The following RAB27A variants were observed in gnomAD, a reference collection of about 807,000 sequenced individuals.
RAB27A encodes ras-related protein Rab-27A.
A neutral mutation model predicts 20.8 loss-of-function variants in RAB27A; 17 were observed. The observed-to-expected ratio is 0.82, with a 90% CI of 0.56 to 1.23. The LOEUF is 1.23. Among genes scored for constraint, RAB27A ranks in the 50% most tolerant of loss-of-function variants. The pLI is 0.00. For synonymous variants in RAB27A, 85 were observed against 92.8 expected (o/e 0.92, Z 0.48); for missense variants, 277 against 266.7 (o/e 1.04, Z -0.27).
rs1430241411 is a variant in RAB27A, at chr15:55,204,635, A to C, written c.*872T>G. The stretch of plus-strand genomic sequence containing the variant: ...CAACATTATAAATATGAAGAAAAAG[A>C]AACTAAATATTTACTCATCGCAAAT... On this transcript the variant is annotated 3_prime_UTR_variant, in exon 7 of 7. Coordinates refer to ENST00000336787, the MANE Select transcript of RAB27A (RefSeq NM_183235.3). 1.3e-5 allele frequency: 2 copies of C among 152,246 alleles called. No individual in the cohort carries two copies. Among genetic ancestry groups the C allele is most frequent in the African/African-American group, 4.8e-5 (2 of 41,462 alleles). 9.4% of individuals were successfully genotyped at this position (152,246 alleles called of 1,614,324 possible).
At chr15:55,283,174 A>T (rs80220386) in intron 1 of RAB27A, among the ~76,000 whole-genome samples, 8,002 of 152,176 alleles carry the variant, frequency 0.053, 270 homozygotes, top group Non-Finnish European at 0.067. Context: ...TGTACTGAGA[A>T]TGTTTTGCAG....
intron 2 of RAB27A, among the ~76,000 whole-genome samples, chr15:55,249,626 G>A (rs74247117): frequency 2.6e-5 from 4 of 152,136 alleles, no homozygotes; most frequent in Non-Finnish European, 4.4e-5. Context: ...AAAACAATCT[G>A]TACACCCTGT....
At chr15:55,240,788 A>G (rs1427632077) in intron 2 of RAB27A, among the ~76,000 whole-genome samples, 2 of 152,174 alleles carry the variant, frequency 1.3e-5, no homozygotes, top group Non-Finnish European at 2.9e-5. Flanking sequence ...TAACTTCTTT[A>G]AAATTGGGGT....
At chr15:55,230,314 G>T in intron 4 of RAB27A, 87 bp downstream of exon 4, 2 of 1,301,076 alleles carry the variant, frequency 1.5e-6, no homozygotes, top group Non-Finnish European at 2.2e-6. Flanking sequence ...GAATTGGCTG[G>T]CTTTTTCCTG....
intron 1 of RAB27A, among the ~76,000 whole-genome samples, chr15:55,280,262 C>T (rs2141118743): frequency 6.6e-6 from 1 of 152,092 alleles, no homozygotes; most frequent in African/African-American, 2.4e-5. Flanking sequence ...TGAGTTCTAT[C>T]TTCCCACTCA....
chr15:55,238,575 T>G (rs991799314), intron 2 of RAB27A: 1 of 152,180 alleles, frequency 6.6e-6, no homozygotes, highest in Admixed American at 6.6e-5. Context: ...AGCACAATGG[T>G]TGGCATATAC....
chr15:55,207,235 T>C (rs1894695844), intron 6 of RAB27A, among the ~76,000 whole-genome samples: 1 of 152,202 alleles, frequency 6.6e-6, no homozygotes, highest in Non-Finnish European at 1.5e-5. Context: ...AATAAGACGG[T>C]AATATCTGAT....
intron 6 of RAB27A, among the ~76,000 whole-genome samples, chr15:55,208,845 T>C (rs1418087251): frequency 6.6e-6 from 1 of 152,136 alleles, no homozygotes; most frequent in Non-Finnish European, 1.5e-5. Context: ...AGTAGATAGC[T>C]AAAGAAAATT....
Position 55,216,690 on chromosome 15 carries a change from C to T in RAB27A, c.467+7199G>A, listed in dbSNP as rs531607134. On this transcript the variant is annotated intron_variant, in intron 6 of 6. Coordinates refer to ENST00000336787, the MANE Select transcript of RAB27A (RefSeq NM_183235.3). Reference sequence around the variant, plus strand: ...CTAACCCATGAACATTGGTTTAATCCACAATGTAGCTGATCTATAAAATCT... The same window carrying T: ...CTAACCCATGAACATTGGTTTAATCTACAATGTAGCTGATCTATAAAATCT... Among the ~76,000 whole-genome samples the T allele has an allele frequency of 8.5e-5, 13 of 152,080 alleles. No individual in the cohort carries two copies. The South Asian group carries it at 2.7e-3, about 32-fold the overall frequency.
intron 6 of RAB27A, among the ~76,000 whole-genome samples, chr15:55,217,469 G>A (rs1247141982): frequency 6.6e-6 from 1 of 151,316 alleles, no homozygotes; most frequent in Non-Finnish European, 1.5e-5. Flanking sequence ...GGATCAACCT[G>A]GCCAACATGG....
intron 1 of RAB27A, among the ~76,000 whole-genome samples, chr15:55,276,339 A>G (rs1291711013): frequency 6.6e-6 from 1 of 152,226 alleles, no homozygotes; most frequent in Non-Finnish European, 1.5e-5. Context: ...AAGATATTAT[A>G]CTAAGTTAAA....
rs569132713 is a variant in RAB27A at position 55,308,931 on chromosome 15, T to C, written c.-112+5108A>G. On this transcript the variant is annotated intron_variant, in intron 2 of 5. Transcript: ENST00000563262. Reference sequence around the variant, plus strand: ...CCCTTTGCCACTACATCAATTTCCTTATTCAGGTATGCCACGGGTTGCAAG... The same window carrying C: ...CCCTTTGCCACTACATCAATTTCCTCATTCAGGTATGCCACGGGTTGCAAG... Among the ~76,000 whole-genome samples the C allele has an allele frequency of 2.6e-5, 4 of 152,322 alleles. No homozygotes were observed. In the East Asian group the frequency reaches 5.8e-4, roughly 22 times the overall value.
chr15:55,270,934 A>C (rs984628884), intron 1 of RAB27A: 3 of 152,316 alleles, frequency 2.0e-5, no homozygotes, highest in African/African-American at 7.2e-5. Flanking sequence ...ATCCCAACAC[A>C]GCCAGAAATC....
intron 2 of RAB27A, among the ~76,000 whole-genome samples, chr15:55,235,773 TAC>T (rs1896229913): frequency 6.6e-6 from 1 of 151,970 alleles, no homozygotes; most frequent in Non-Finnish European, 1.5e-5. Context: ...GAAATTGTGG[TAC>T]ACCACAATTT....
rs148564106 is a variant in RAB27A, at chr15:55,210,070, A to G, written c.468-4365T>C. Among the ~76,000 whole-genome samples, 189 of 132,466 alleles carry G rather than the reference A, an allele frequency of 1.4e-3. 2 individuals are homozygous for G. The East Asian group carries it at 0.034, about 24-fold the overall frequency. 86.9% of individuals were successfully genotyped at this position (132,466 alleles called of 152,430 possible). ...TACATATATACACATATGTGTGTGT[A>G]CATATACATATATACACATATATGT... On this transcript the variant is annotated intron_variant, in intron 6 of 6. Coordinates refer to ENST00000336787, the MANE Select transcript of RAB27A (RefSeq NM_183235.3).
chr15:55,276,547 G>A (rs1897879784), intron 1 of RAB27A, among the ~76,000 whole-genome samples: 1 of 152,084 alleles, frequency 6.6e-6, no homozygotes, highest in Non-Finnish European at 1.5e-5. Flanking sequence ...TCCAGCCCGG[G>A]CAGCGGAGTA....
Position 55,229,255 on chromosome 15 carries a change from G to A in RAB27A, c.240-543C>T, listed in dbSNP as rs145107818. On this transcript the variant is annotated intron_variant, in intron 4 of 6. Coordinates refer to ENST00000336787, the MANE Select transcript of RAB27A (RefSeq NM_183235.3). Reference sequence around the variant, plus strand: ...CCCTATCACCAGTCAGTTTCCTCTCGTCTTTGCCTATATGTAAAACCTGTA... The same window carrying A: ...CCCTATCACCAGTCAGTTTCCTCTCATCTTTGCCTATATGTAAAACCTGTA... Among the ~76,000 whole-genome samples, 540 of 150,234 alleles carry A rather than the reference G, an allele frequency of 3.6e-3. 23 individuals are homozygous for A. In the South Asian group the frequency reaches 0.085, roughly 24 times the overall value.
chr15:55,234,031 CCTTT>C (rs1441826523), intron 3 of RAB27A, among the ~76,000 whole-genome samples: 1 of 152,100 alleles, frequency 6.6e-6, no homozygotes, highest in Non-Finnish European at 1.5e-5. Flanking sequence ...AAGCCAGGGA[CCTTT>C]CCCCCTGACA....
At chr15:55,211,107 C>G (rs1273972663) in intron 6 of RAB27A, among the ~76,000 whole-genome samples, 6 of 152,010 alleles carry the variant, frequency 3.9e-5, no homozygotes, top group African/African-American at 1.2e-4. Context: ...CTGTTCTGTT[C>G]CATTGGCCTA....
Sources: allele counts gnomAD v4.1 joint callset (sites outside exome capture counted in the v4.1 genomes callset), GRCh38; gene constraint gnomAD v4.1.1; transcripts MANE v1.5; gene names NCBI Gene and HGNC (gene_info 2026-07-23, HGNC 2026-07-21).